The following DLGAP2 variants were observed in gnomAD, a reference collection of about 807,000 sequenced individuals.
DLGAP2 encodes DLG associated protein 2, also known as disks large-associated protein 2.
A neutral mutation model predicts 100.3 loss-of-function variants in DLGAP2; 26 were observed. That is an observed-to-expected ratio of 0.26 (90% CI 0.19 to 0.36). The LOEUF is 0.36. Ranked by LOEUF, DLGAP2 falls within the 10% of genes least tolerant of loss-of-function variation. The probability of loss-of-function intolerance (pLI) is 1.00; values close to 1 mark genes in which losing one functional copy is unlikely to be tolerated. For missense variants in DLGAP2, 1,858 were observed against 1,453.2 expected (o/e 1.28, Z -4.53); for synonymous variants, 886 against 630.1 (o/e 1.41, Z -6.08).
At chr8:1,176,813 A>T (rs115855278) in intron 2 of DLGAP2, among the ~76,000 whole-genome samples, 5,264 of 152,254 alleles carry the variant, frequency 0.035, 333 homozygotes, top group African/African-American at 0.12. Flanking sequence ...CCTGGTGGTC[A>T]CATTCTCTCA....
At chr8:1,321,530 C>G (rs2117039828) in intron 3 of DLGAP2, among the ~76,000 whole-genome samples, 1 of 152,348 alleles carries the variant, frequency 6.6e-6, no homozygotes, top group East Asian at 1.9e-4. Context: ...AGGACTTGTT[C>G]ACTGCCTCTG....
intron 1 of DLGAP2, among the ~76,000 whole-genome samples, chr8:870,052 T>A (rs1407361634): frequency 6.6e-6 from 1 of 151,650 alleles, no homozygotes; most frequent in Non-Finnish European, 1.5e-5. Context: ...AAATTCTGGG[T>A]CGTCTTTTCA....
intron 2 of DLGAP2, among the ~76,000 whole-genome samples, chr8:1,202,218 A>G (rs1175477932): frequency 6.7e-6 from 1 of 150,192 alleles, no homozygotes; most frequent in Non-Finnish European, 1.5e-5. Flanking sequence ...ATGTGTATGC[A>G]TGTATTCTGT....
chr8:981,366 A>T (rs1046781257), intron 2 of DLGAP2, among the ~76,000 whole-genome samples: 2 of 151,976 alleles, frequency 1.3e-5, no homozygotes, highest in Non-Finnish European at 2.9e-5. Context: ...CTATTGTGCT[A>T]TTGTGAATAA....
chr8:1,548,921 G>A lies in DLGAP2; in HGVS notation c.468G>A (p.Val156=). Residue 156 remains valine (V), a synonymous_variant, in exon 5 of 15, where the codon GTG becomes GTA. Transcript: ENST00000637795. ...VMMPVVLGDH[V]SSSTFPRMHY... ...TGCCGGTGGTGCTGGGCGACCACGT[G>A]TCCAGCAGCACCTTCCCGCGGATGC... is the stretch of plus-strand genomic sequence containing the variant. The A allele has an allele frequency of 1.3e-6, 2 of 1,598,140 alleles. No homozygotes were observed. Among genetic ancestry groups the A allele is most frequent in the Non-Finnish European group, 1.7e-6 (2 of 1,179,058 alleles).
intron 3 of DLGAP2, chr8:1,377,922 A>G (rs1585315956): frequency 6.6e-6 from 1 of 152,212 alleles, no homozygotes; most frequent in African/African-American, 2.4e-5. Context: ...GGCAGCCCCA[A>G]ATCAGCTGAT....
intron 5 of DLGAP2, among the ~76,000 whole-genome samples, chr8:1,553,855 A>G (rs965460948): frequency 2.6e-5 from 4 of 152,192 alleles, no homozygotes; most frequent in Admixed American, 2.6e-4. Context: ...GTTTCCAGTT[A>G]GGTACAAAAA....
In DLGAP2 at chr8:737,852, G is replaced by A. The variant is rs1463031657; in HGVS notation, c.18+27G>A. On this transcript the variant is annotated intron_variant, in intron 1 of 14. Transcript: ENST00000637795. ...TGCGAGCCGCCGGGGGCTGCCGGGA[G>A]CCGGGCGCGGGGCTCCGAGAGCCGT... 1.6e-5 allele frequency: 6 copies of A among 376,180 alleles called. No homozygotes were observed. In the East Asian group the frequency reaches 1.9e-4, roughly 12 times the overall value. The allele number at this position is 376,180 out of a possible 1,614,324, so 23.3% of individuals were successfully genotyped here.
chr8:1,392,372 C>T (rs1392809243), intron 3 of DLGAP2, among the ~76,000 whole-genome samples: 1 of 152,144 alleles, frequency 6.6e-6, no homozygotes, highest in Non-Finnish European at 1.5e-5. Flanking sequence ...GAGGGCTTCC[C>T]TTTCTTCCCA....
intron 6 of DLGAP2, among the ~76,000 whole-genome samples, chr8:1,580,489 A>G (rs898000214): frequency 1.3e-5 from 2 of 152,224 alleles, no homozygotes; most frequent in Non-Finnish European, 2.9e-5. Context: ...GCAGAGAGCT[A>G]TCAAATGTTC....
chr8:1,408,194 A>T (rs1347160969), intron 3 of DLGAP2, among the ~76,000 whole-genome samples: 29 of 152,196 alleles, frequency 1.9e-4, no homozygotes, highest in Admixed American at 1.9e-3. Flanking sequence ...TAGTTGAAGA[A>T]CACAGGAATC....
At chr8:1,212,129 C>T (rs1270990887) in intron 2 of DLGAP2, among the ~76,000 whole-genome samples, 1 of 152,128 alleles carries the variant, frequency 6.6e-6, no homozygotes, top group Non-Finnish European at 1.5e-5. Flanking sequence ...ATCGAATGTG[C>T]AGAAAAAGAA....
At position 841,364 on chromosome 8, in the gene DLGAP2, C is replaced by T. The variant is rs537792162; in HGVS notation, c.19-66548C>T. On this transcript the variant is annotated intron_variant, in intron 1 of 14. Transcript: ENST00000637795. Reference sequence around the variant, plus strand: ...GGCCAGTGGGGGCCTCTTCACTTGGCTCTGAGTCCTTGGGACACAACCCTG... The same window carrying T: ...GGCCAGTGGGGGCCTCTTCACTTGGTTCTGAGTCCTTGGGACACAACCCTG... Among the ~76,000 whole-genome samples the T allele has an allele frequency of 3.3e-5, 5 of 152,312 alleles. No individual in the cohort carries two copies. The South Asian group carries it at 8.3e-4, about 25-fold the overall frequency.
chr8:1,237,515 T>G (rs1304103952), intron 2 of DLGAP2, among the ~76,000 whole-genome samples: 43 of 92,958 alleles, frequency 4.6e-4, no homozygotes, highest in South Asian at 1.9e-3. Flanking sequence ...GTCTAGTTGT[T>G]TCTCACACAG....
intron 3 of DLGAP2, among the ~76,000 whole-genome samples, chr8:1,303,986 G>A (rs763794634): frequency 1.3e-5 from 2 of 152,184 alleles, no homozygotes; most frequent in African/African-American, 4.8e-5. Context: ...CATTTGTGAG[G>A]AGAGTGCAGA....
At chr8:1,170,519 C>A (rs77584798) in intron 2 of DLGAP2, among the ~76,000 whole-genome samples, 6 of 150,504 alleles carry the variant, frequency 4.0e-5, no homozygotes, top group African/African-American at 1.5e-4. Flanking sequence ...GTCCTGGACT[C>A]TTTTTGGTTG....
Position 1,200,862 on chromosome 8 carries a change from C to G in DLGAP2, c.74-57989C>G, listed in dbSNP as rs183782418. Among the ~76,000 whole-genome samples, 794 of 152,354 alleles carry G rather than the reference C, an allele frequency of 5.2e-3. 15 individuals are homozygous for G. In the South Asian group the frequency reaches 0.067, roughly 13 times the overall value. ...CCGTTCCCACATATCGGTTTGGCATCGAACGATGCGTCCGCTGCTGGCTCC... is the reference window on the plus strand; with the variant it reads ...CCGTTCCCACATATCGGTTTGGCATGGAACGATGCGTCCGCTGCTGGCTCC... On this transcript the variant is annotated intron_variant, in intron 2 of 14. Transcript: ENST00000637795.
intron 2 of DLGAP2, among the ~76,000 whole-genome samples, chr8:1,193,203 G>A (rs1034854264): frequency 1.3e-5 from 2 of 152,112 alleles, no homozygotes; most frequent in Non-Finnish European, 2.9e-5. Context: ...TGGGATTGCT[G>A]GGTCAAATGG....
chr8:1,673,417 C>G (rs982338574), intron 10 of DLGAP2, among the ~76,000 whole-genome samples: 1 of 152,190 alleles, frequency 6.6e-6, no homozygotes, highest in African/African-American at 2.4e-5. Context: ...TTGATAAATA[C>G]TTAGCTCCTC....
Sources: gnomAD v4.1 joint callset for allele counts (sites outside exome capture counted in the v4.1 genomes callset) on GRCh38, gnomAD v4.1.1 for gene constraint, MANE v1.5 for transcripts, NCBI Gene and HGNC (gene_info 2026-07-23, HGNC 2026-07-21) for gene names.